PCDHA6: variants seen among roughly 807,000 people sequenced by gnomAD.
The protein encoded by PCDHA6 is protocadherin alpha 6, also known as protocadherin alpha-6.
In PCDHA6, 55 loss-of-function variants were observed where a neutral mutation model predicts 60.3. That is an observed-to-expected ratio of 0.91 (90% CI 0.73 to 1.14). The LOEUF is 1.14. PCDHA6 is among the 50% of genes most tolerant of loss of function. The pLI is 0.00. For synonymous variants in PCDHA6, 652 were observed against 557.9 expected (o/e 1.17, Z -2.38); for missense variants, 1,327 against 1,256.5 (o/e 1.06, Z -0.85).
intron 1 of PCDHA6, among the ~76,000 whole-genome samples, chr5:140,846,665 C>T (rs1299063371): frequency 3.4e-5 from 5 of 149,130 alleles, no homozygotes; most frequent in East Asian, 3.9e-4. Context: ...TGAGCCACCG[C>T]GCCCAGCCTA....
chr5:140,929,398 AG>A, intron 1 of PCDHA6: 1 of 1,510,096 alleles, frequency 6.6e-7, no homozygotes, highest in Non-Finnish European at 8.9e-7. Flanking sequence ...AATATTTCTT[AG>A]ACAAGCCTTT....
intron 1 of PCDHA6, chr5:140,967,005 A>G: frequency 1.2e-6 from 2 of 1,605,512 alleles, no homozygotes; most frequent in African/African-American, 1.3e-5. Flanking sequence ...TTGCGCATCA[A>G]CCATCTGGGT....
intron 1 of PCDHA6, among the ~76,000 whole-genome samples, chr5:140,949,245 A>G (rs782212374): frequency 2.4e-4 from 37 of 151,798 alleles, no homozygotes; most frequent in Non-Finnish European, 4.3e-4. Context: ...GCAACAGTCT[A>G]TCTTGATGAA....
Position 140,843,307 on chromosome 5 carries a change from G to T in PCDHA6, c.2394+12822G>T, listed in dbSNP as rs2150357061. On this transcript the variant is annotated intron_variant, in intron 1 of 3. Coordinates refer to ENST00000529310, the MANE Select transcript of PCDHA6 (RefSeq NM_018909.4). ...ATGGTGAACCTGCGCTGACCGCCAC[G>T]GCCACGGTTCTGGTGTCGCTGGTGG... is the stretch of plus-strand genomic sequence containing the variant. The T allele has an allele frequency of 1.0e-5, 16 of 1,595,858 alleles. 3 individuals are homozygous for T. The highest frequency in any genetic ancestry group is 1.3e-5 in the African/African-American group (1 of 74,426).
chr5:140,985,885 G>A (rs1218097274), intron 3 of PCDHA6, among the ~76,000 whole-genome samples: 4 of 151,548 alleles, frequency 2.6e-5, no homozygotes, highest in Non-Finnish European at 5.9e-5. Flanking sequence ...GACTACAGGC[G>A]CCCGCCACCA....
chr5:141,010,802 G>A lies in PCDHA6; in HGVS notation c.*865G>A, dbSNP rs1323558356. On this transcript the variant is annotated 3_prime_UTR_variant, in exon 4 of 4. Coordinates refer to ENST00000529310, the MANE Select transcript of PCDHA6 (RefSeq NM_018909.4). ...TTATGCAAAAGCAAAAGAAAACCCC[G>A]ACACCTCACCTTTCGCTGTTTGTTG... 6.5e-6 allele frequency: 1 copy of A among 153,554 alleles called. No homozygotes were observed. The highest frequency in any genetic ancestry group is 1.5e-5 in the Non-Finnish European group (1 of 68,024). The allele number at this position is 153,554 out of a possible 1,614,324, so 9.5% of individuals were successfully genotyped here. A position where few individuals can be genotyped will look rare whatever the true frequency, so the allele number is the denominator to read the frequency against.
At chr5:140,889,302 C>T (rs1323356979) in intron 1 of PCDHA6, among the ~76,000 whole-genome samples, 1 of 151,926 alleles carries the variant, frequency 6.6e-6, no homozygotes, top group Non-Finnish European at 1.5e-5. Flanking sequence ...TTGGAGAACT[C>T]ACTGTTGAAG....
rs782052342 is a variant in PCDHA6, at chr5:140,927,029, C to T, written c.2395-51920C>T. On this transcript the variant is annotated intron_variant, in intron 1 of 3. Transcript: ENST00000529310. ...AATCTCTCCGCGGACTTGAGGCTGC[C>T]AGCGGCCGCTATGTCCTCGCGGAAC... 1.9e-6 allele frequency: 3 copies of T among 1,612,358 alleles called. No homozygotes were observed. In the South Asian group the frequency reaches 3.3e-5, roughly 18 times the overall value.
intron 1 of PCDHA6, among the ~76,000 whole-genome samples, chr5:140,978,370 A>T (rs78042832): frequency 6.6e-6 from 1 of 152,200 alleles, no homozygotes; most frequent in Non-Finnish European, 1.5e-5. Context: ...AAACTCTGCA[A>T]TAGTTTGTTT....
intron 1 of PCDHA6, chr5:140,866,524 A>G (rs1232306409): frequency 2.0e-5 from 3 of 152,186 alleles, no homozygotes; most frequent in Non-Finnish European, 2.9e-5. Context: ...AAGCCATGAT[A>G]GAGCAGAATT....
At chr5:140,960,763 C>A (rs1424215578) in intron 1 of PCDHA6, among the ~76,000 whole-genome samples, 1 of 151,896 alleles carries the variant, frequency 6.6e-6, no homozygotes, top group Non-Finnish European at 1.5e-5. Flanking sequence ...CCAAGAGTTA[C>A]AGAGGAGAAA....
rs782037799 is a variant in PCDHA6 at position 140,877,180 on chromosome 5, G to A, written c.2394+46695G>A. ...CGCGCCGGCACTGCTGGCGACTCCG[G>A]CTGGCAGCGCAGGAGGCGCAGTTAG... On this transcript the variant is annotated intron_variant, in intron 1 of 3. Transcript: ENST00000529310. The A allele has an allele frequency of 1.1e-5, 18 of 1,613,692 alleles. No individual in the cohort carries two copies. In the South Asian group the frequency reaches 1.5e-4, roughly 14 times the overall value.
Position 140,858,037 on chromosome 5 carries a change from T to G in PCDHA6, c.2394+27552T>G, listed in dbSNP as rs782428899. On this transcript the variant is annotated intron_variant, in intron 1 of 3. Coordinates refer to ENST00000529310, the MANE Select transcript of PCDHA6 (RefSeq NM_018909.4). The stretch of plus-strand genomic sequence containing the variant: ...AGCCGTCGCTGACGGCCACGGCCAC[T>G]GTGCTTGTGTCGCTTGTGGAGGGCA... 6 of 1,596,390 alleles carry G rather than the reference T, an allele frequency of 3.8e-6. 1 individual carries two copies. The highest frequency in any genetic ancestry group is 5.1e-6 in the Non-Finnish European group (6 of 1,167,344).
At chr5:140,912,810 A>G (rs887666910) in intron 1 of PCDHA6, among the ~76,000 whole-genome samples, 16 of 152,202 alleles carry the variant, frequency 1.1e-4, no homozygotes, top group African/African-American at 3.6e-4. Flanking sequence ...GGTTTTTATC[A>G]TAAAGGGATT....
intron 1 of PCDHA6, among the ~76,000 whole-genome samples, chr5:140,960,278 T>A (rs2095536864): frequency 6.6e-6 from 1 of 152,192 alleles, no homozygotes. Context: ...CGTCACCTTT[T>A]TGGGACCCAG....
At chr5:140,846,796 C>G (rs1200474608) in intron 1 of PCDHA6, among the ~76,000 whole-genome samples, 1 of 149,304 alleles carries the variant, frequency 6.7e-6, no homozygotes, top group African/African-American at 2.5e-5. Context: ...GAGCCCCAGC[C>G]CCTGGCTTTA....
intron 1 of PCDHA6, among the ~76,000 whole-genome samples, chr5:140,933,588 G>A (rs2089253151): frequency 6.6e-6 from 1 of 151,988 alleles, no homozygotes; most frequent in Non-Finnish European, 1.5e-5. Flanking sequence ...TGGGTTTTTA[G>A]GTTGATTTGT....
chr5:140,939,283 GATCTAATC>G lies in PCDHA6; in HGVS notation c.2395-39661_2395-39654del, dbSNP rs1257109202. ...TCTTTTATGAGAGCTGTGCCCTCGT[GATCTAATC>G]ATCTCTACAAAAGCCCTACCTCCTA... On this transcript the variant is annotated intron_variant, in intron 1 of 3. Coordinates refer to ENST00000529310, the MANE Select transcript of PCDHA6 (RefSeq NM_018909.4). Among the ~76,000 whole-genome samples the G allele has an allele frequency of 2.0e-5, 3 of 152,184 alleles. No homozygotes were observed. In the East Asian group the frequency reaches 5.8e-4, roughly 29 times the overall value.
chr5:140,910,103 T>C (rs1485345908), intron 1 of PCDHA6, among the ~76,000 whole-genome samples: 2 of 152,192 alleles, frequency 1.3e-5, no homozygotes, highest in Admixed American at 6.5e-5. Flanking sequence ...CTCCCCTTCA[T>C]TTAAGGGATT....
Sources: gnomAD v4.1 joint callset for allele counts (sites outside exome capture counted in the v4.1 genomes callset) on GRCh38, gnomAD v4.1.1 for gene constraint, MANE v1.5 for transcripts, NCBI Gene and HGNC (gene_info 2026-07-23, HGNC 2026-07-21) for gene names.